Variants in SLC2A9 observed in about 807,000 individuals in gnomAD.
SLC2A9 encodes the protein solute carrier family 2 member 9.
Under a neutral mutation model 50.6 loss-of-function variants are expected in SLC2A9, and 39 were observed. That is an observed-to-expected ratio of 0.77 (90% CI 0.60 to 1.01). The LOEUF (loss-of-function observed/expected upper bound fraction) is 1.01, where lower values mean the gene tolerates loss of function less well. SLC2A9 is among the 50% of genes least tolerant of loss of function. The pLI is 0.00. For missense variants in SLC2A9, 686 were observed against 677.6 expected (o/e 1.01, Z -0.14); for synonymous variants, 324 against 276.9 (o/e 1.17, Z -1.69).
At chr4:9,987,685 T>TA (rs1297521264) in intron 3 of SLC2A9, among the ~76,000 whole-genome samples, 1 of 152,124 alleles carries the variant, frequency 6.6e-6, no homozygotes, top group East Asian at 1.9e-4. Context: ...ACTCATTATA[T>TA]AAAAATATAA....
intron 7 of SLC2A9, among the ~76,000 whole-genome samples, chr4:9,913,733 G>A (rs1742338903): frequency 6.6e-6 from 1 of 152,208 alleles, no homozygotes; most frequent in African/African-American, 2.4e-5. Flanking sequence ...GGAGGGGCTT[G>A]CCCTGTAGAG....
Position 9,996,847 on chromosome 4 carries a change from G to C in SLC2A9, c.344C>G (p.Ser115Cys). The change falls in exon 3 of 12, where the codon TCC becomes TGC. Residue 115 changes from serine to cysteine, a missense_variant. Ser to Cys is a moderately radical substitution (Grantham distance 112). Transcript: ENST00000264784. ...CACAAGTCCACCGATGGCGAATATG[G>C]ACACAGTCACAGACCAGAGCAAAGT... Reference protein sequence around the residue: ...TLTLLWSVTVSIFAIGGLVGT... With the variant: ...TLTLLWSVTVCIFAIGGLVGT... The C allele has an allele frequency of 6.2e-7, 1 of 1,614,180 alleles. No individual in the cohort carries two copies. The highest frequency in any genetic ancestry group is 8.5e-7 in the Non-Finnish European group (1 of 1,180,030).
intron 10 of SLC2A9, among the ~76,000 whole-genome samples, chr4:9,836,153 A>C (rs1727064707): frequency 7.0e-6 from 1 of 142,742 alleles, no homozygotes. Flanking sequence ...CTCGGGGGAA[A>C]GGGTGGGAGG....
chr4:9,906,969 A>G (rs897645789), intron 8 of SLC2A9, among the ~76,000 whole-genome samples: 1 of 152,232 alleles, frequency 6.6e-6, no homozygotes, highest in Non-Finnish European at 1.5e-5. Context: ...TCTATTTTTT[A>G]AAAGCATCTT....
intron 3 of SLC2A9, chr4:9,783,279 C>T: frequency 6.2e-7 from 1 of 1,614,212 alleles, no homozygotes; most frequent in Middle Eastern, 1.6e-4. Context: ...ATGCCCAACG[C>T]CGTTACCCCC....
At chr4:9,888,272 C>CATATATAT (rs35108442) in intron 9 of SLC2A9, among the ~76,000 whole-genome samples, 54 of 146,770 alleles carry the variant, frequency 3.7e-4, no homozygotes, top group African/African-American at 1.3e-3. Flanking sequence ...TATATATATA[C>CATATATAT]ATATATATAT....
At chr4:9,851,927 G>C (rs1484447534) in intron 10 of SLC2A9, among the ~76,000 whole-genome samples, 2 of 152,162 alleles carry the variant, frequency 1.3e-5, no homozygotes, top group African/African-American at 4.8e-5. Flanking sequence ...ATTATGTAAA[G>C]AGAGCAAATC....
rs745500513 is a variant in SLC2A9, at chr4:9,964,097, C to A, written c.681+16495G>T. ...AAATCAGGGAGTCAACACTGAATAT[C>A]GAGGGGGAGACATTCGAGAATTCTT... On this transcript the variant is annotated intron_variant, in intron 5 of 11. Transcript: ENST00000264784. 3.9e-4 allele frequency among the ~76,000 whole-genome samples: 60 copies of A among 152,010 alleles called. 1 individual carries two copies. Among genetic ancestry groups the A allele is most frequent in the Non-Finnish European group, 2.5e-4 (17 of 68,008 alleles).
chr4:9,785,414 T>A (rs1344861005), intron 3 of SLC2A9, among the ~76,000 whole-genome samples: 1 of 152,252 alleles, frequency 6.6e-6, no homozygotes, highest in Non-Finnish European at 1.5e-5. Flanking sequence ...CATTTCCCAA[T>A]GCTGTTCACC....
At chr4:9,999,732 G>A (rs1759432337) in intron 2 of SLC2A9, among the ~76,000 whole-genome samples, 1 of 152,084 alleles carries the variant, frequency 6.6e-6, no homozygotes, top group Non-Finnish European at 1.5e-5. Context: ...AGTATTGGAG[G>A]GTTTTTGGCA....
intron 10 of SLC2A9, among the ~76,000 whole-genome samples, chr4:9,843,856 G>A (rs1365305719): frequency 1.3e-5 from 2 of 152,146 alleles, no homozygotes; most frequent in Non-Finnish European, 2.9e-5. Context: ...CATGGACACT[G>A]AGCCACACTT....
At chr4:9,804,067 T>C (rs978143081) in intron 3 of SLC2A9, among the ~76,000 whole-genome samples, 2 of 152,234 alleles carry the variant, frequency 1.3e-5, no homozygotes, top group Non-Finnish European at 1.5e-5. Flanking sequence ...TACCCATGCA[T>C]GTTCTTCTCA....
chr4:9,943,605 T>C (rs1017137134), intron 5 of SLC2A9, among the ~76,000 whole-genome samples: 11 of 152,264 alleles, frequency 7.2e-5, no homozygotes, highest in African/African-American at 2.4e-4. Context: ...TCCGTGAAGA[T>C]ACCAAAACCC....
chr4:9,801,347 T>C (rs769641999), intron 3 of SLC2A9, among the ~76,000 whole-genome samples: 20 of 152,172 alleles, frequency 1.3e-4, no homozygotes, highest in Non-Finnish European at 2.8e-4. Flanking sequence ...ACAAGCTAAA[T>C]ACAATTTGGG....
downstream of SLC2A9, among the ~76,000 whole-genome samples, chr4:9,777,956 C>T (rs10033951): frequency 0.36 from 54,355 of 151,856 alleles, 10,092 homozygotes; most frequent in East Asian, 0.58. Context: ...TCCATGTTGC[C>T]CAGTCTCCAA....
At chr4:9,881,274 T>C (rs1735163488) in intron 10 of SLC2A9, among the ~76,000 whole-genome samples, 2 of 152,146 alleles carry the variant, frequency 1.3e-5, no homozygotes, top group African/African-American at 4.8e-5. Flanking sequence ...CCCTCCAAGA[T>C]TATGTCTTGG....
intron 11 of SLC2A9, among the ~76,000 whole-genome samples, chr4:9,831,496 C>T (rs1726134622): frequency 6.6e-6 from 1 of 152,168 alleles, no homozygotes; most frequent in African/African-American, 2.4e-5. Context: ...CTTGTTATCA[C>T]AGCCATGTAG....
intron 7 of SLC2A9, among the ~76,000 whole-genome samples, chr4:9,911,034 G>GA (rs1341509326): frequency 6.6e-6 from 1 of 151,952 alleles, no homozygotes. Flanking sequence ...GGCATTAGGA[G>GA]AAATATCCAA....
intron 7 of SLC2A9, among the ~76,000 whole-genome samples, chr4:9,911,472 C>T (rs1228895739): frequency 6.6e-6 from 1 of 152,174 alleles, no homozygotes; most frequent in Non-Finnish European, 1.5e-5. Context: ...ACTCAGGAAA[C>T]TTAAGAGTGC....
Sources: gnomAD v4.1 joint callset for allele counts (sites outside exome capture counted in the v4.1 genomes callset) on GRCh38, gnomAD v4.1.1 for gene constraint, MANE v1.5 for transcripts, NCBI Gene and HGNC (gene_info 2026-07-23, HGNC 2026-07-21) for gene names.